PTPN11: variants seen among roughly 807,000 people sequenced by gnomAD.
PTPN11 encodes the protein protein tyrosine phosphatase non-receptor type 11.
A neutral mutation model predicts 78.8 loss-of-function variants in PTPN11; 6 were observed. That is an observed-to-expected ratio of 0.08 (90% CI 0.04 to 0.15). The LOEUF is 0.15. Among genes scored for constraint, PTPN11 ranks in the 10% least tolerant of loss-of-function variants. PTPN11 has a pLI of 1.00. For synonymous variants in PTPN11, 221 were observed against 263.5 expected (o/e 0.84, Z 1.56); for missense variants, 386 against 744.8 (o/e 0.52, Z 5.61).
At chr12:112,459,054 T>A (rs1200265701) in intron 6 of PTPN11, among the ~76,000 whole-genome samples, 1 of 151,890 alleles carries the variant, frequency 6.6e-6, no homozygotes, top group Non-Finnish European at 1.5e-5. Context: ...AAATTGATGA[T>A]AAACATAGTG....
intron 6 of PTPN11, among the ~76,000 whole-genome samples, chr12:112,461,731 G>A (rs975757115): frequency 6.6e-6 from 1 of 152,138 alleles, no homozygotes; most frequent in Admixed American, 6.6e-5. Context: ...GCCTCCCAGT[G>A]TGCTGGGATT....
rs1223522089 is a variant in PTPN11, at chr12:112,455,999, G to A, written c.692G>A (p.Arg231Gln). Residue 231 changes from arginine to glutamine, a missense_variant, in exon 6 of 16, where the codon CGA becomes CAA. Around this residue, in one of 3 missense-constraint regions of PTPN11, gnomAD observed 279 missense variants for 503.3 expected, o/e 0.55. Transcript: ENST00000351677. ...GCTGCTGAAATAGAAAGCAGAGTTC[G>A]AGAACTAAGCAAATTAGCTGAGACC... Reference protein sequence around the residue: ...INAAEIESRVRELSKLAETTD... With the variant: ...INAAEIESRVQELSKLAETTD... 1.9e-6 allele frequency: 3 copies of A among 1,612,830 alleles called. No homozygotes were observed. Among genetic ancestry groups the A allele is most frequent in the Non-Finnish European group, 2.5e-6 (3 of 1,179,410 alleles).
chr12:112,454,455 C>T, intron 4 of PTPN11, 109 bp from the exon 5 acceptor site: 1 of 851,830 alleles, frequency 1.2e-6, no homozygotes, highest in East Asian at 2.5e-5. Context: ...TAAGTTGTCT[C>T]TATATACTAG....
intron 13 of PTPN11, among the ~76,000 whole-genome samples, chr12:112,496,910 G>A (rs770814685): frequency 6.6e-6 from 1 of 152,090 alleles, no homozygotes; most frequent in Non-Finnish European, 1.5e-5. Flanking sequence ...AATGGGTCAG[G>A]CCTATAATCC....
At chr12:112,428,236 A>AATC (rs1488035999) in intron 1 of PTPN11, among the ~76,000 whole-genome samples, 2 of 152,176 alleles carry the variant, frequency 1.3e-5, no homozygotes, top group African/African-American at 4.8e-5. Flanking sequence ...ACTTGTTGAT[A>AATC]AACTCAAATG....
intron 1 of PTPN11, among the ~76,000 whole-genome samples, chr12:112,438,127 C>T (rs1422708184): frequency 6.6e-6 from 1 of 152,002 alleles, no homozygotes; most frequent in African/African-American, 2.4e-5. Context: ...CTGCCACTAG[C>T]TACCCTGTTC....
At chr12:112,424,955 ATT>A (rs2037587672) in intron 1 of PTPN11, among the ~76,000 whole-genome samples, 6 of 58,180 alleles carry the variant, frequency 1.0e-4, no homozygotes, top group Non-Finnish European at 2.1e-4. Context: ...TGTCAGGCTA[ATT>A]GTGTGTGTGT....
At chr12:112,435,187 T>G (rs2037771136) in intron 1 of PTPN11, among the ~76,000 whole-genome samples, 2 of 151,898 alleles carry the variant, frequency 1.3e-5, no homozygotes. Flanking sequence ...GCCCCACCAA[T>G]TTTTTAATTT....
At chr12:112,450,611 C>A in intron 3 of PTPN11, 99 bp downstream of exon 3, 3 of 1,166,032 alleles carry the variant, frequency 2.6e-6, no homozygotes, top group Non-Finnish European at 2.6e-6. Flanking sequence ...ACTCCAAAGG[C>A]TTGTGACTGT....
In PTPN11 at chr12:112,465,129, G is replaced by C. The variant is rs116003833; in HGVS notation, c.757-7815G>C. On this transcript the variant is annotated intron_variant, in intron 6 of 15. Coordinates refer to ENST00000351677, the MANE Select transcript of PTPN11 (RefSeq NM_002834.5). Reference sequence around the variant, plus strand: ...ATTGTGGCGAGGTGCATATTGCATGGTTGTATTGAAAAGGTGCTTGGGCCG... The same window carrying C: ...ATTGTGGCGAGGTGCATATTGCATGCTTGTATTGAAAAGGTGCTTGGGCCG... Among the ~76,000 whole-genome samples, 1,221 of 152,232 alleles carry C rather than the reference G, an allele frequency of 8.0e-3. 15 individuals are homozygous for C. Among genetic ancestry groups the C allele is most frequent in the African/African-American group, 0.028 (1,173 of 41,540 alleles).
intron 2 of PTPN11, among the ~76,000 whole-genome samples, chr12:112,448,772 T>C (rs1346764380): frequency 2.6e-5 from 4 of 152,228 alleles, no homozygotes; most frequent in Non-Finnish European, 5.9e-5. Flanking sequence ...ATATAATGCC[T>C]CAATGAATAT....
intron 1 of PTPN11, among the ~76,000 whole-genome samples, chr12:112,439,015 T>G (rs2135845592): frequency 6.6e-6 from 1 of 152,330 alleles, no homozygotes; most frequent in South Asian, 2.1e-4. Context: ...TACCTGAAAG[T>G]CCAGGCACTC....
chr12:112,436,256 CAAT>C (rs2037788613), intron 1 of PTPN11, among the ~76,000 whole-genome samples: 2 of 152,104 alleles, frequency 1.3e-5, no homozygotes, highest in South Asian at 4.1e-4. Flanking sequence ...ATATTATAGT[CAAT>C]AATTGTTTTA....
At chr12:112,448,039 T>C (rs1446318839) in intron 2 of PTPN11, among the ~76,000 whole-genome samples, 1 of 152,006 alleles carries the variant, frequency 6.6e-6, no homozygotes, top group East Asian at 1.9e-4. Flanking sequence ...TGACTTAAAG[T>C]GATCCATCTG....
intron 6 of PTPN11, among the ~76,000 whole-genome samples, chr12:112,459,060 T>C (rs2038207846): frequency 6.6e-6 from 1 of 151,938 alleles, no homozygotes; most frequent in East Asian, 1.9e-4. Flanking sequence ...ATGATAAACA[T>C]AGTGAGACAG....
intron 13 of PTPN11, among the ~76,000 whole-genome samples, chr12:112,490,619 C>T (rs1222212667): frequency 2.6e-5 from 4 of 151,726 alleles, no homozygotes; most frequent in African/African-American, 7.3e-5. Context: ...ATTTTTTTAT[C>T]TTTATTTTGT....
intron 1 of PTPN11, among the ~76,000 whole-genome samples, chr12:112,441,274 A>G (rs2037886071): frequency 7.4e-6 from 1 of 135,230 alleles, no homozygotes; most frequent in Non-Finnish European, 1.6e-5. Context: ...TTTTTTTTTT[A>G]AATCTGAGAA....
intron 13 of PTPN11, among the ~76,000 whole-genome samples, chr12:112,489,574 C>T (rs948900368): frequency 5.3e-5 from 8 of 152,140 alleles, no homozygotes; most frequent in African/African-American, 1.2e-4. Context: ...TAATAGCGCA[C>T]GGCAGTTTGA....
intron 6 of PTPN11, among the ~76,000 whole-genome samples, chr12:112,459,123 A>G (rs2038208632): frequency 6.6e-6 from 1 of 152,212 alleles, no homozygotes; most frequent in African/African-American, 2.4e-5. Flanking sequence ...GCCTGCCTAA[A>G]TAATAAAAGG....
Sources: allele counts gnomAD v4.1 joint callset (sites outside exome capture counted in the v4.1 genomes callset), GRCh38; gene constraint gnomAD v4.1.1; regional missense constraint gnomAD v4.1.1; transcripts MANE v1.5; gene names NCBI Gene and HGNC (gene_info 2026-07-23, HGNC 2026-07-21).